The following HIP1 variants were observed in gnomAD, a reference collection of about 807,000 sequenced individuals.
The protein encoded by HIP1 is huntingtin-interacting protein 1.
A neutral mutation model predicts 147.6 loss-of-function variants in HIP1; 65 were observed. That is an observed-to-expected ratio of 0.44 (90% CI 0.36 to 0.54). The LOEUF is 0.54. HIP1 is among the 20% of genes least tolerant of loss of function. The pLI is 0.00. For synonymous variants in HIP1, 479 were observed against 504.0 expected (o/e 0.95, Z 0.67); for missense variants, 1,061 against 1,299.6 (o/e 0.82, Z 2.82).
intron 8 of HIP1, 24 bp downstream of exon 8, chr7:75,573,734 TAAG>T: frequency 1.9e-6 from 3 of 1,605,960 alleles, no homozygotes; most frequent in Non-Finnish European, 1.7e-6. Context: ...GAATCTCATG[TAAG>T]AAGATCTGGC....
chr7:75,641,492 GC>G (rs35405729), intron 1 of HIP1, among the ~76,000 whole-genome samples: 50,706 of 147,558 alleles, frequency 0.34, 8,961 homozygotes, highest in African/African-American at 0.41. Flanking sequence ...CTCCTTGTTT[GC>G]TTTTTTTTTT....
intron 2 of HIP1, among the ~76,000 whole-genome samples, chr7:75,595,283 C>CTTTCTTTCTTTTTCTCT (rs1554501697): frequency 4.8e-5 from 4 of 83,402 alleles, no homozygotes; most frequent in South Asian, 3.9e-4. Flanking sequence ...TTCCTTCCTT[C>CTTTCTTTCTTTTTCTCT]CTTTCTTTCT....
At position 75,580,635 on chromosome 7, in the gene HIP1, G is replaced by C. The variant is rs139110493; in HGVS notation, c.604+602C>G. ...CGTGCCTGTAGTCCCAGCTACTTGG[G>C]AGGCTGAGGTGGGAGGATCATTTGA... On this transcript the variant is annotated intron_variant, in intron 7 of 30. Coordinates refer to ENST00000336926, the MANE Select transcript of HIP1 (RefSeq NM_005338.7). 7.7e-4 allele frequency among the ~76,000 whole-genome samples: 118 copies of C among 152,276 alleles called. No homozygotes were observed. The East Asian group carries it at 0.022, about 28-fold the overall frequency.
chr7:75,631,197 C>T (rs1235799549), intron 1 of HIP1, among the ~76,000 whole-genome samples: 3 of 151,736 alleles, frequency 2.0e-5, no homozygotes, highest in Non-Finnish European at 4.4e-5. Context: ...TGGTCTTGAA[C>T]TCCTGGGCTC....
At chr7:75,542,051 T>C in intron 28 of HIP1, 71 bp from the exon 29 acceptor site, 1 of 1,231,208 alleles carries the variant, frequency 8.1e-7, no homozygotes, top group Non-Finnish European at 1.2e-6. Flanking sequence ...AGGCAGCCAA[T>C]GCCAATGCTC....
chr7:75,562,558 G>A (rs2116844949), intron 11 of HIP1, among the ~76,000 whole-genome samples: 1 of 152,102 alleles, frequency 6.6e-6, no homozygotes, highest in East Asian at 1.9e-4. Flanking sequence ...CTGTAGCCTT[G>A]GCCTCCCAGG....
chr7:75,539,208 G>C (rs1794205204), intron 30 of HIP1, 115 bp downstream of exon 30: 2 of 706,342 alleles, frequency 2.8e-6, no homozygotes, highest in Non-Finnish European at 5.1e-6. Flanking sequence ...AGAAGAGAAG[G>C]AAGAAGCCAC....
At chr7:75,553,306 A>G (rs1554492468) in intron 22 of HIP1, 147 bp downstream of exon 22, 4 of 1,042,796 alleles carry the variant, frequency 3.8e-6, no homozygotes, top group African/African-American at 1.6e-5. Flanking sequence ...GCACCCGGCC[A>G]GATTTTCCAA....
At chr7:75,665,010 G>A (rs557990841) in intron 1 of HIP1, among the ~76,000 whole-genome samples, 16 of 152,220 alleles carry the variant, frequency 1.1e-4, no homozygotes, top group African/African-American at 3.6e-4. Flanking sequence ...TTGGTGGTTC[G>A]CACCTGTAAT....
chr7:75,629,096 C>G (rs587642346), intron 1 of HIP1, among the ~76,000 whole-genome samples: 1 of 152,274 alleles, frequency 6.6e-6, no homozygotes, highest in South Asian at 2.1e-4. Context: ...TGAACTGAGT[C>G]CTCCAAAGAG....
At chr7:75,590,930 C>T (rs1162532495) in intron 4 of HIP1, among the ~76,000 whole-genome samples, 1 of 151,966 alleles carries the variant, frequency 6.6e-6, no homozygotes, top group African/African-American at 2.4e-5. Context: ...TAGTTGCCAA[C>T]ATTTTATAGG....
intron 1 of HIP1, among the ~76,000 whole-genome samples, chr7:75,709,426 C>A (rs201010555): frequency 6.6e-6 from 1 of 152,098 alleles, no homozygotes; most frequent in African/African-American, 2.4e-5. Flanking sequence ...GTATTTTATT[C>A]TTTTTGGTGC....
Position 75,646,723 on chromosome 7 carries a change from C to T in HIP1, c.121-47476G>A, listed in dbSNP as rs1055358434. Among the ~76,000 whole-genome samples the T allele has an allele frequency of 2.6e-5, 4 of 152,286 alleles. No individual in the cohort carries two copies. In the South Asian group the frequency reaches 6.2e-4, roughly 24 times the overall value. On this transcript the variant is annotated intron_variant, in intron 1 of 30. Transcript: ENST00000336926. ...TGACAATTTGGCAGCCTTTTAGGAG[C>T]GAGGCCATCTGCTGGGATATGTCTG...
chr7:75,547,337 G>A (rs1392645427), intron 24 of HIP1, among the ~76,000 whole-genome samples: 6 of 152,144 alleles, frequency 3.9e-5, no homozygotes, highest in African/African-American at 1.4e-4. Flanking sequence ...GCACGATCTT[G>A]GCTCACTGCA....
At chr7:75,596,525 T>A (rs993962210) in intron 2 of HIP1, among the ~76,000 whole-genome samples, 4 of 152,148 alleles carry the variant, frequency 2.6e-5, no homozygotes, top group Non-Finnish European at 4.4e-5. Context: ...TAGCTGGGAT[T>A]ACAGGTACCT....
chr7:75,596,157 A>T (rs1162610206), intron 2 of HIP1, among the ~76,000 whole-genome samples: 2 of 148,962 alleles, frequency 1.3e-5, no homozygotes, highest in Non-Finnish European at 3.0e-5. Flanking sequence ...CTTGAGCCTA[A>T]AAGTTGGAGG....
At chr7:75,727,674 C>T (rs1276727267) in intron 1 of HIP1, among the ~76,000 whole-genome samples, 1 of 151,710 alleles carries the variant, frequency 6.6e-6, no homozygotes, top group Non-Finnish European at 1.5e-5. Context: ...GGTGAAACCC[C>T]GTCTCTACTA....
At chr7:75,542,054 C>CAATGCT in intron 28 of HIP1, 74 bp from the exon 29 acceptor site, 1 of 1,217,186 alleles carries the variant, frequency 8.2e-7, no homozygotes, top group Non-Finnish European at 1.2e-6. Context: ...CAGCCAATGC[C>CAATGCT]AATGCTCTGT....
At chr7:75,592,016 A>T (rs782731037) in intron 4 of HIP1, 40 bp downstream of exon 4, 1 of 1,522,354 alleles carries the variant, frequency 6.6e-7, no homozygotes, top group South Asian at 1.1e-5. Flanking sequence ...GAGGAAGGAA[A>T]GGAGAAGCAG....
Sources: gnomAD v4.1 joint callset for allele counts (sites outside exome capture counted in the v4.1 genomes callset) on GRCh38, gnomAD v4.1.1 for gene constraint, MANE v1.5 for transcripts, NCBI Gene and HGNC (gene_info 2026-07-23, HGNC 2026-07-21) for gene names.